AQP9: variants seen among roughly 807,000 people sequenced by gnomAD.
AQP9 encodes the protein aquaporin 9.
In AQP9, 19 loss-of-function variants were observed where a neutral mutation model predicts 23.8. The ratio of observed to expected loss-of-function variants is 0.80; its 90% CI spans 0.56 to 1.17. The LOEUF is 1.17. Ranked by LOEUF, AQP9 falls within the 50% of genes most tolerant of loss-of-function variation. The pLI is 0.00. For synonymous variants in AQP9, 153 were observed against 131.5 expected, an observed-to-expected ratio of 1.16 and a Z score of -1.12; for missense variants, 413 against 362.0, an observed-to-expected ratio of 1.14 and a Z score of -1.14.
chr15:58,169,898 T>C (rs1595740725), intron 2 of AQP9, among the ~76,000 whole-genome samples: 2 of 152,138 alleles, frequency 1.3e-5, no homozygotes, highest in Non-Finnish European at 1.5e-5. Context: ...CATTACAAAA[T>C]ATAGGGTTAT....
At chr15:58,176,662 G>A (rs990857235) in intron 4 of AQP9, among the ~76,000 whole-genome samples, 1 of 149,028 alleles carries the variant, frequency 6.7e-6, no homozygotes, top group Admixed American at 6.7e-5. Context: ...CCAGGCTGGA[G>A]TGCAGTGGCG....
rs1898978612 is a variant in AQP9, at chr15:58,184,729, T to C, written c.*594T>C. The C allele has an allele frequency of 6.6e-6, 1 of 152,170 alleles. No homozygotes were observed. Among genetic ancestry groups the C allele is most frequent in the Non-Finnish European group, 1.5e-5 (1 of 68,034 alleles). The allele number at this position is 152,170 out of a possible 1,614,324, so 9.4% of individuals were successfully genotyped here. The stretch of plus-strand genomic sequence containing the variant: ...GCTGGAAGGCACAAGGGGAGGACAT[T>C]GTGGCATTCAGAAACTGCAGGAGAC... On this transcript the variant is annotated 3_prime_UTR_variant, in exon 6 of 6. Transcript: ENST00000219919.
intron 1 of AQP9, chr15:58,153,428 A>T (rs1427887439): frequency 1.1e-4 from 16 of 152,128 alleles, no homozygotes; most frequent in African/African-American, 3.9e-4. Flanking sequence ...CCTTTACATT[A>T]TGTGTAGGGG....
chr15:58,141,376 A>T (rs1595724555), intron 1 of AQP9, among the ~76,000 whole-genome samples: 2 of 152,232 alleles, frequency 1.3e-5, no homozygotes. Context: ...TTTTGAGTAG[A>T]TAACATACTG....
At chr15:58,143,341 G>A (rs1595725726) in intron 1 of AQP9, among the ~76,000 whole-genome samples, 1 of 152,178 alleles carries the variant, frequency 6.6e-6, no homozygotes, top group Non-Finnish European at 1.5e-5. Flanking sequence ...GAGGACAAGA[G>A]AGGGCAAAGG....
At chr15:58,179,774 A>G (rs1179576054) in intron 5 of AQP9, among the ~76,000 whole-genome samples, 1 of 152,122 alleles carries the variant, frequency 6.6e-6, no homozygotes, top group African/African-American at 2.4e-5. Context: ...TATTCCACAG[A>G]TATTTGTTGG....
At chr15:58,159,700 C>G (rs1465322589) in intron 1 of AQP9, among the ~76,000 whole-genome samples, 1 of 152,164 alleles carries the variant, frequency 6.6e-6, no homozygotes, top group Non-Finnish European at 1.5e-5. Flanking sequence ...CCCATCTACT[C>G]TCTGCCTTCA....
At chr15:58,150,468 C>A (rs1898127804) in intron 1 of AQP9, 1 of 152,662 alleles carries the variant, frequency 6.6e-6, no homozygotes, top group South Asian at 2.1e-4. Flanking sequence ...CACTTTACAT[C>A]TAACCACCAC....
At position 58,179,184 on chromosome 15, in the gene AQP9, C is replaced by G. The variant is rs1319918129; in HGVS notation, c.552C>G (p.Asn184Lys). 3 of 1,613,868 alleles carry G rather than the reference C, an allele frequency of 1.9e-6. No individual in the cohort carries two copies. Among genetic ancestry groups the G allele is most frequent in the Non-Finnish European group, 2.5e-6 (3 of 1,179,880 alleles). ...TCTTTGCCATCTTTGACTCCAGAAA[C>G]TTGGGAGCCCCCAGAGGCCTAGAGC... ...IIVFAIFDSR[N>K]LGAPRGLEPI... The change falls in exon 5 of 6, where the codon AAC becomes AAG. Residue 184 changes from asparagine (N) to lysine (K), a missense_variant. By Grantham distance (94) the Asn-to-Lys change is moderately conservative (BLOSUM62 0). Transcript: ENST00000219919.
chr15:58,180,663 C>A (rs2140635409), intron 5 of AQP9, among the ~76,000 whole-genome samples: 1 of 152,174 alleles, frequency 6.6e-6, no homozygotes, highest in East Asian at 1.9e-4. Flanking sequence ...AACAGCAGTT[C>A]TCAACCAGAG....
At chr15:58,160,641 A>AAT (rs1164379628) in intron 1 of AQP9, among the ~76,000 whole-genome samples, 1 of 151,692 alleles carries the variant, frequency 6.6e-6, no homozygotes. Flanking sequence ...TAACCTGAAA[A>AAT]AAAATGTACT....
intron 1 of AQP9, among the ~76,000 whole-genome samples, chr15:58,143,078 T>C (rs1047287251): frequency 2.0e-5 from 3 of 152,200 alleles, no homozygotes; most frequent in African/African-American, 7.2e-5. Context: ...TATCAAAAGC[T>C]CTTTCCACCA....
rs984474458 is a variant in AQP9 at position 58,174,960 on chromosome 15, G to T, written c.419G>T (p.Gly140Val). 6 of 1,614,186 alleles carry T rather than the reference G, an allele frequency of 3.7e-6. No homozygotes were observed. Among genetic ancestry groups the T allele is most frequent in the Non-Finnish European group, 4.2e-6 (5 of 1,180,020 alleles). The change falls in exon 4 of 6, where the codon GGA (glycine) becomes GTA (valine). Residue 140 changes from glycine (G) to valine (V), a missense_variant. Transcript: ENST00000219919. ...SFAGGKLLIV[G>V]ENATAHIFAT... ...GCTGGTGGAAAACTGCTGATCGTGG[G>T]AGAAAATGCAACAGCACACATTTTT...
chr15:58,141,678 C>A (rs745512505), intron 1 of AQP9, among the ~76,000 whole-genome samples: 2 of 152,204 alleles, frequency 1.3e-5, no homozygotes, highest in African/African-American at 2.4e-5. Flanking sequence ...CCTGCTCCTA[C>A]CTTCCACCAG....
chr15:58,154,209 C>A (rs566407377), intron 1 of AQP9: 1 of 152,248 alleles, frequency 6.6e-6, no homozygotes, highest in South Asian at 2.1e-4. Context: ...CAACTCAAGT[C>A]TATTTACAAG....
At chr15:58,155,474 A>G (rs1306240595) in intron 1 of AQP9, 1 of 152,168 alleles carries the variant, frequency 6.6e-6, no homozygotes, top group East Asian at 1.9e-4. Context: ...TTCAGTAGAC[A>G]AAGCCACCCT....
At chr15:58,141,394 G>A (rs780845385) in intron 1 of AQP9, among the ~76,000 whole-genome samples, 6 of 152,110 alleles carry the variant, frequency 3.9e-5, no homozygotes, top group South Asian at 2.1e-4. Flanking sequence ...CTGTGTAGTC[G>A]GACAGATGCT....
Position 58,185,284 on chromosome 15 carries a change from T to C in AQP9, c.*1149T>C, listed in dbSNP as rs1434254389. 1 of 152,672 alleles carries C rather than the reference T, an allele frequency of 6.5e-6. No individual in the cohort carries two copies. The highest frequency in any genetic ancestry group is 2.4e-5 in the African/African-American group (1 of 41,452). The allele number at this position is 152,672 out of a possible 1,614,324, so 9.5% of individuals were successfully genotyped here. A position where few individuals can be genotyped will look rare whatever the true frequency, so the allele number is the denominator to read the frequency against. ...TGTTATCTAATGCATTCCTCTACCT[T>C]TCAGAAGATCAGTAGCTGGCTGACA... On this transcript the variant is annotated 3_prime_UTR_variant, in exon 6 of 6. Transcript: ENST00000219919.
intron 1 of AQP9, among the ~76,000 whole-genome samples, chr15:58,159,571 T>C (rs150254390): frequency 2.6e-4 from 39 of 152,346 alleles, no homozygotes; most frequent in African/African-American, 9.1e-4. Flanking sequence ...TATTGTTAAC[T>C]ATAGTCATGT....
Sources: gnomAD v4.1 joint callset for allele counts (sites outside exome capture counted in the v4.1 genomes callset) on GRCh38, gnomAD v4.1.1 for gene constraint, MANE v1.5 for transcripts, NCBI Gene and HGNC (gene_info 2026-07-23, HGNC 2026-07-21) for gene names.